The following CFAP251 variants were observed in gnomAD, a reference collection of about 807,000 sequenced individuals.
The protein encoded by CFAP251 is cilia- and flagella-associated protein 251.
In CFAP251, 93 loss-of-function variants were observed where a neutral mutation model predicts 126.7. The ratio of observed to expected loss-of-function variants is 0.73; its 90% CI spans 0.62 to 0.87. The LOEUF (loss-of-function observed/expected upper bound fraction) is 0.87, where lower values mean the gene tolerates loss of function less well. Among genes scored for constraint, CFAP251 ranks in the 40% least tolerant of loss-of-function variants. The probability of loss-of-function intolerance (pLI) is 0.00; values close to 1 mark genes in which losing one functional copy is unlikely to be tolerated. For missense variants in CFAP251, 1,287 were observed against 1,389.2 expected, an observed-to-expected ratio of 0.93 and a Z score of 1.17; for synonymous variants, 503 against 506.9, an observed-to-expected ratio of 0.99 and a Z score of 0.10.
intron 3 of CFAP251, among the ~76,000 whole-genome samples, chr12:121,929,474 G>A (rs537589904): frequency 1.3e-5 from 2 of 152,086 alleles, no homozygotes; most frequent in East Asian, 3.9e-4. Context: ...GCACTGATGA[G>A]CCAATACTGG....
chr12:121,969,525 G>T, intron 17 of CFAP251: 1 of 976,626 alleles, frequency 1.0e-6, no homozygotes, highest in Non-Finnish European at 1.2e-6. Context: ...TGGCTCAGTC[G>T]CTCAGGCTGT....
chr12:122,001,435 G>C (rs1378144395), intron 20 of CFAP251, 62 bp from the exon 21 acceptor site: 12 of 1,347,262 alleles, frequency 8.9e-6, no homozygotes, highest in Non-Finnish European at 1.3e-5. Flanking sequence ...ATAACGCTAA[G>C]CCCTGACAGT....
At chr12:121,992,762 G>A (rs1335760000) in intron 19 of CFAP251, among the ~76,000 whole-genome samples, 1 of 151,704 alleles carries the variant, frequency 6.6e-6, no homozygotes, top group Non-Finnish European at 1.5e-5. Context: ...TGTCTTTTTT[G>A]TAGAGACAGG....
At chr12:121,968,874 T>G in intron 17 of CFAP251, 1 of 985,116 alleles carries the variant, frequency 1.0e-6, no homozygotes, top group South Asian at 4.7e-5. Flanking sequence ...TTTCGTCTCT[T>G]CTTCCTGTAA....
chr12:121,947,323 T>G (rs1045748206), intron 7 of CFAP251, among the ~76,000 whole-genome samples: 8 of 152,178 alleles, frequency 5.3e-5, no homozygotes, highest in Admixed American at 5.2e-4. Context: ...TCTGCTGAGA[T>G]TCCCCATCTT....
chr12:121,961,216 T>C (rs1881922856), intron 14 of CFAP251, among the ~76,000 whole-genome samples: 1 of 151,916 alleles, frequency 6.6e-6, no homozygotes, highest in Non-Finnish European at 1.5e-5. Context: ...CAACCAGTCA[T>C]TGTATCTGTC....
At chr12:121,924,036 T>G (rs765433165) in intron 3 of CFAP251, 46 bp downstream of exon 3, 7 of 1,531,928 alleles carry the variant, frequency 4.6e-6, no homozygotes, top group Middle Eastern at 2.2e-4. Flanking sequence ...TTGAGAGTGT[T>G]GCGCAATAGG....
intron 19 of CFAP251, among the ~76,000 whole-genome samples, chr12:121,986,874 G>C (rs1214285732): frequency 1.3e-5 from 2 of 152,082 alleles, no homozygotes; most frequent in South Asian, 4.1e-4. Flanking sequence ...ATAAATTTGG[G>C]GAGACCTCGG....
At chr12:121,970,457 A>C (rs1592995165) in intron 17 of CFAP251, among the ~76,000 whole-genome samples, 1 of 152,154 alleles carries the variant, frequency 6.6e-6, no homozygotes, top group East Asian at 1.9e-4. Context: ...CAGTTCCTCC[A>C]ACTCTTAAAT....
At chr12:121,942,061 C>G (rs1002355558) in intron 5 of CFAP251, among the ~76,000 whole-genome samples, 1 of 152,106 alleles carries the variant, frequency 6.6e-6, no homozygotes, top group African/African-American at 2.4e-5. Flanking sequence ...AACAGCAGGC[C>G]CATTGCCTTG....
intron 5 of CFAP251, among the ~76,000 whole-genome samples, chr12:121,940,694 A>C (rs1272628359): frequency 4.6e-5 from 7 of 152,188 alleles, no homozygotes. Flanking sequence ...TGGCTGTCTT[A>C]GATACTTGCA....
At chr12:121,958,200 T>C in intron 11 of CFAP251, 72 bp from the exon 12 acceptor site, 6 of 1,584,042 alleles carry the variant, frequency 3.8e-6, no homozygotes, top group Non-Finnish European at 5.2e-6. Context: ...TATGTGCAAT[T>C]AGAAGCAGAA....
At chr12:121,999,390 C>T (rs59281959) in intron 19 of CFAP251, 10,671 of 164,150 alleles carry the variant, frequency 0.065, 1,226 homozygotes, top group African/African-American at 0.24. Flanking sequence ...TTTTTCCCCC[C>T]GCCGAGACAG....
chr12:121,967,548 A>G (rs1882187596), intron 16 of CFAP251, among the ~76,000 whole-genome samples: 1 of 152,126 alleles, frequency 6.6e-6, no homozygotes, highest in Admixed American at 6.5e-5. Flanking sequence ...TAAAAATACA[A>G]AAAATGAGCC....
Position 121,951,019 on chromosome 12 carries a change from G to A in CFAP251, c.1270-461G>A, listed in dbSNP as rs563379327. ...GGATCACCTGAGGTCAGGAGTTCGAGACCAGCCTGGCCAACATGGCAAAAC... is the reference window on the plus strand; with the variant it reads ...GGATCACCTGAGGTCAGGAGTTCGAAACCAGCCTGGCCAACATGGCAAAAC... On this transcript the variant is annotated intron_variant, in intron 8 of 21. Coordinates refer to ENST00000288912, the MANE Select transcript of CFAP251 (RefSeq NM_144668.6). The A allele has an allele frequency of 5.3e-5, 8 of 151,536 alleles. No homozygotes were observed. In the East Asian group the frequency reaches 1.6e-3, roughly 30 times the overall value. The allele number at this position is 151,536 out of a possible 1,614,324, so 9.4% of individuals were successfully genotyped here.
At chr12:121,958,193 G>T in intron 11 of CFAP251, 79 bp from the exon 12 acceptor site, 10 of 1,558,520 alleles carry the variant, frequency 6.4e-6, no homozygotes, top group South Asian at 1.2e-5. Flanking sequence ...GGCGTTTTAT[G>T]TGCAATTAGA....
chr12:121,935,433 A>G (rs955478769), intron 5 of CFAP251, among the ~76,000 whole-genome samples: 5 of 152,260 alleles, frequency 3.3e-5, no homozygotes, highest in Admixed American at 6.5e-5. Context: ...CAATATTGAC[A>G]CATTATTATT....
chr12:122,003,844 T>G lies in CFAP251; in HGVS notation c.*80T>G, dbSNP rs927551901. Reference sequence around the variant, plus strand: ...GTGTGTGTTTTCCATGAGGCACTGCTTTTTATGCATTTCCCTCCCCCCTCT... The same window carrying G: ...GTGTGTGTTTTCCATGAGGCACTGCGTTTTATGCATTTCCCTCCCCCCTCT... On this transcript the variant is annotated 3_prime_UTR_variant, in exon 22 of 22. Transcript: ENST00000288912. 1.0e-6 allele frequency: 1 copy of G among 991,452 alleles called. No individual in the cohort carries two copies. Among genetic ancestry groups the G allele is most frequent in the Non-Finnish European group, 1.5e-6 (1 of 688,202 alleles). 61.4% of individuals were successfully genotyped at this position (991,452 alleles called of 1,614,324 possible). A position where few individuals can be genotyped will look rare whatever the true frequency, so the allele number is the denominator to read the frequency against.
rs1242225982 is a variant in CFAP251, at chr12:121,922,142, T to C, written c.378+459T>C. 5.4e-5 allele frequency among the ~76,000 whole-genome samples: 7 copies of C among 130,770 alleles called. No individual in the cohort carries two copies. The East Asian group carries it at 1.4e-3, about 26-fold the overall frequency. 85.8% of individuals were successfully genotyped at this position (130,770 alleles called of 152,430 possible). A position where few individuals can be genotyped will look rare whatever the true frequency, so the allele number is the denominator to read the frequency against. ...TTTTTTTTGAGACAGAGTTTCACTC[T>C]TGTTGCCCAGGCTGGAGTGCAATGG... On this transcript the variant is annotated intron_variant, in intron 2 of 21. Transcript: ENST00000288912.
Sources: gnomAD v4.1 joint callset for allele counts (sites outside exome capture counted in the v4.1 genomes callset) on GRCh38, gnomAD v4.1.1 for gene constraint, MANE v1.5 for transcripts, NCBI Gene and HGNC (gene_info 2026-07-23, HGNC 2026-07-21) for gene names.